NDST4: variants seen among roughly 807,000 people sequenced by gnomAD.
NDST4 encodes N-heparan sulfate sulfotransferase 4.
In NDST4, 63 loss-of-function variants were observed where a neutral mutation model predicts 100.8. That is an observed-to-expected ratio of 0.62 (90% CI 0.51 to 0.77). The LOEUF is 0.77. Ranked by LOEUF, NDST4 falls within the 30% of genes least tolerant of loss-of-function variation. The pLI is 0.00. For missense variants in NDST4, 943 were observed against 1,018.4 expected (o/e 0.93, Z 1.01); for synonymous variants, 377 against 361.8 (o/e 1.04, Z -0.48).
chr4:114,908,117 T>TA (rs1724990697), intron 6 of NDST4, among the ~76,000 whole-genome samples: 1 of 152,182 alleles, frequency 6.6e-6, no homozygotes, highest in African/African-American at 2.4e-5. Context: ...AAGTGAATAT[T>TA]ACCAAAGACA....
chr4:115,072,032 A>C (rs574277167), intron 2 of NDST4, among the ~76,000 whole-genome samples: 1 of 152,244 alleles, frequency 6.6e-6, no homozygotes, highest in African/African-American at 2.4e-5. Context: ...ATTTAATAAA[A>C]TAATGGAATA....
At chr4:115,011,070 A>G (rs977532749) in intron 2 of NDST4, among the ~76,000 whole-genome samples, 15 of 151,990 alleles carry the variant, frequency 9.9e-5, no homozygotes, top group African/African-American at 3.1e-4. Flanking sequence ...TTTTCCCACA[A>G]TTCCCACAAT....
chr4:114,915,837 G>C (rs1041468968), intron 6 of NDST4, among the ~76,000 whole-genome samples: 1 of 151,908 alleles, frequency 6.6e-6, no homozygotes, highest in African/African-American at 2.4e-5. Context: ...GAGAAGGAGA[G>C]GGGGAGAGGG....
chr4:114,899,242 A>G (rs937953987), intron 6 of NDST4, among the ~76,000 whole-genome samples: 4 of 152,156 alleles, frequency 2.6e-5, no homozygotes, highest in Non-Finnish European at 5.9e-5. Flanking sequence ...CAGTGGCACA[A>G]TCTGGGCTCA....
intron 4 of NDST4, among the ~76,000 whole-genome samples, chr4:114,952,336 C>T (rs557800662): frequency 6.6e-6 from 1 of 152,122 alleles, no homozygotes; most frequent in Admixed American, 6.6e-5. Context: ...AGAAACAAAA[C>T]AGCTGCTTGA....
chr4:114,929,943 G>A (rs1458335216), intron 6 of NDST4, among the ~76,000 whole-genome samples: 1 of 152,040 alleles, frequency 6.6e-6, no homozygotes, highest in Admixed American at 6.6e-5. Context: ...TCAGTGTTCT[G>A]AAAATTATTG....
chr4:114,881,544 C>T (rs1038444384), intron 6 of NDST4, among the ~76,000 whole-genome samples: 3 of 151,980 alleles, frequency 2.0e-5, no homozygotes, highest in Non-Finnish European at 2.9e-5. Context: ...AGTATAGAAG[C>T]ATGCTGTGGC....
chr4:114,993,438 T>A (rs2126252658), intron 2 of NDST4, among the ~76,000 whole-genome samples: 1 of 152,078 alleles, frequency 6.6e-6, no homozygotes, highest in South Asian at 2.1e-4. Flanking sequence ...GAGGTAGTGC[T>A]GGGTACCAAG....
At chr4:115,085,832 T>A (rs569334394) in intron 1 of NDST4, among the ~76,000 whole-genome samples, 2 of 152,200 alleles carry the variant, frequency 1.3e-5, no homozygotes, top group Admixed American at 1.3e-4. Flanking sequence ...AGAGATGCAG[T>A]ATTTTTCAAA....
chr4:114,942,196 G>A (rs1725765073), intron 4 of NDST4, among the ~76,000 whole-genome samples: 1 of 152,098 alleles, frequency 6.6e-6, no homozygotes, highest in Non-Finnish European at 1.5e-5. Flanking sequence ...AAACAATTAA[G>A]TTAAACTACA....
intron 2 of NDST4, among the ~76,000 whole-genome samples, chr4:115,055,566 C>T (rs1484555505): frequency 2.6e-5 from 4 of 152,054 alleles, no homozygotes; most frequent in Non-Finnish European, 5.9e-5. Flanking sequence ...CAACTTTAAC[C>T]TGAGTTCAAG....
rs755001680 is a variant in NDST4, at chr4:114,827,766, T to A, written c.*50A>T. On this transcript the variant is annotated 3_prime_UTR_variant, in exon 14 of 14. Coordinates refer to ENST00000264363, the MANE Select transcript of NDST4 (RefSeq NM_022569.3). The stretch of plus-strand genomic sequence containing the variant: ...CTTGAGAATAAAGGTGGATTTATTT[T>A]TTTTTTAACACTAAAAGTATCTTGA... 1.1e-5 allele frequency: 18 copies of A among 1,582,506 alleles called. No homozygotes were observed. The highest frequency in any genetic ancestry group is 4.5e-5 in the East Asian group (2 of 44,578).
intron 6 of NDST4, among the ~76,000 whole-genome samples, chr4:114,903,296 T>C (rs1724885153): frequency 6.6e-6 from 1 of 152,144 alleles, no homozygotes; most frequent in South Asian, 2.1e-4. Context: ...TATTTCAAAA[T>C]AATTACTTTT....
chr4:114,837,984 A>G (rs1346068844), intron 11 of NDST4, among the ~76,000 whole-genome samples: 3 of 152,244 alleles, frequency 2.0e-5, no homozygotes, highest in Non-Finnish European at 4.4e-5. Flanking sequence ...TAAGAAAAAA[A>G]CAACCTCATC....
In NDST4 at chr4:114,870,859, C is replaced by T; in HGVS notation, c.1628G>A (p.Trp543Ter). Reference protein sequence around the residue: ...FVNLVNFVQSWTNLKLQTLPP... With the variant: ...FVNLVNFVQS ...CAGAGTTTGCAATTTCAGGTTGGTC[C>T]AGCTCTGCACAAAGTTGACCAAGTT... is the stretch of plus-strand genomic sequence containing the variant. Residue 543 changes from tryptophan to a stop codon, truncating the protein, a stop_gained, in exon 7 of 14, where the codon TGG (tryptophan) becomes TAG (stop). Transcript: ENST00000264363. LOFTEE classifies it high-confidence loss of function. 3 of 1,613,108 alleles carry T rather than the reference C, an allele frequency of 1.9e-6. No individual in the cohort carries two copies. The highest frequency in any genetic ancestry group is 2.5e-6 in the Non-Finnish European group (3 of 1,179,376).
At chr4:115,068,673 C>T (rs944627694) in intron 2 of NDST4, among the ~76,000 whole-genome samples, 4 of 150,084 alleles carry the variant, frequency 2.7e-5, no homozygotes, top group East Asian at 2.0e-4. Flanking sequence ...AAAAATTAGC[C>T]GGGTGTGGTG....
chr4:114,840,494 T>G (rs1342783439), intron 10 of NDST4, among the ~76,000 whole-genome samples: 2 of 152,188 alleles, frequency 1.3e-5, no homozygotes, highest in African/African-American at 4.8e-5. Flanking sequence ...AGAAGTTACT[T>G]GCTGTGACAG....
At chr4:115,065,998 C>T (rs548084732) in intron 2 of NDST4, among the ~76,000 whole-genome samples, 1 of 152,276 alleles carries the variant, frequency 6.6e-6, no homozygotes, top group Admixed American at 6.5e-5. Flanking sequence ...GACTCAAATA[C>T]CGCATCCTCC....
intron 2 of NDST4, among the ~76,000 whole-genome samples, chr4:115,016,473 A>G (rs554109968): frequency 6.6e-6 from 1 of 152,110 alleles, no homozygotes; most frequent in Non-Finnish European, 1.5e-5. Flanking sequence ...GCTGATCTAA[A>G]GGTTTTATCT....
Sources: allele counts gnomAD v4.1 joint callset (sites outside exome capture counted in the v4.1 genomes callset), GRCh38; gene constraint gnomAD v4.1.1; transcripts MANE v1.5; gene names NCBI Gene and HGNC (gene_info 2026-07-23, HGNC 2026-07-21).